CRPPA: variants seen among roughly 807,000 people sequenced by gnomAD.
CRPPA encodes the protein CDP-L-ribitol pyrophosphorylase A.
Under a neutral mutation model 52.0 loss-of-function variants are expected in CRPPA, and 43 were observed. That is an observed-to-expected ratio of 0.83 (90% CI 0.65 to 1.07). The LOEUF is 1.07. Ranked by LOEUF, CRPPA falls within the 50% of genes least tolerant of loss-of-function variation. The pLI is 0.00. For synonymous variants in CRPPA, 250 were observed against 203.5 expected, an observed-to-expected ratio of 1.23 and a Z score of -1.94; for missense variants, 629 against 551.7, an observed-to-expected ratio of 1.14 and a Z score of -1.40.
chr7:16,244,868 A>T (rs1334680035), intron 8 of CRPPA, among the ~76,000 whole-genome samples: 1 of 152,194 alleles, frequency 6.6e-6, no homozygotes, highest in African/African-American at 2.4e-5. Flanking sequence ...AAATGCACTG[A>T]ATATCTGTGG....
chr7:16,396,622 A>G (rs986010631), intron 2 of CRPPA, among the ~76,000 whole-genome samples: 2 of 152,244 alleles, frequency 1.3e-5, no homozygotes, highest in African/African-American at 4.8e-5. Flanking sequence ...ATACTTACAC[A>G]TGCATATATG....
chr7:16,249,193 G>T (rs1013097892), intron 8 of CRPPA, among the ~76,000 whole-genome samples: 1 of 152,134 alleles, frequency 6.6e-6, no homozygotes, highest in Non-Finnish European at 1.5e-5. Context: ...ACCTCTCTGG[G>T]CAGGGCATCT....
chr7:16,419,920 A>G (rs142812865), intron 1 of CRPPA, among the ~76,000 whole-genome samples: 2 of 152,336 alleles, frequency 1.3e-5, no homozygotes, highest in African/African-American at 4.8e-5. Flanking sequence ...ATAAAACTCC[A>G]ATCTCCCGCA....
At chr7:16,158,826 G>C (rs1783241276) in intron 9 of CRPPA, among the ~76,000 whole-genome samples, 1 of 152,136 alleles carries the variant, frequency 6.6e-6, no homozygotes, top group South Asian at 2.1e-4. Context: ...ATGGCTGCTG[G>C]CTGGGGATTG....
intron 9 of CRPPA, among the ~76,000 whole-genome samples, chr7:16,101,026 T>G (rs1386602036): frequency 6.6e-6 from 1 of 152,116 alleles, no homozygotes; most frequent in Admixed American, 6.6e-5. Context: ...TGGATAAGCT[T>G]TTTGATGTGC....
chr7:16,417,699 G>A (rs1336468714), intron 1 of CRPPA, among the ~76,000 whole-genome samples: 5 of 152,176 alleles, frequency 3.3e-5, no homozygotes, highest in Admixed American at 6.5e-5. Flanking sequence ...CATGGGTGAT[G>A]GGATCAATCA....
rs755461577 is a variant in CRPPA at position 16,089,445 on chromosome 7, G to A, written c.*2250C>T. On this transcript the variant is annotated 3_prime_UTR_variant, in exon 10 of 10. Transcript: ENST00000407010. ...CATACATATATGTGTATATATGTAC[G>A]TGCATACATATATGTGTATATATGT... 8 of 335,402 alleles carry A rather than the reference G, an allele frequency of 2.4e-5. No homozygotes were observed. Among genetic ancestry groups the A allele is most frequent in the African/African-American group, 8.7e-5 (4 of 46,196 alleles). 20.8% of individuals were successfully genotyped at this position (335,402 alleles called of 1,614,324 possible). A position where few individuals can be genotyped will look rare whatever the true frequency, so the allele number is the denominator to read the frequency against.
chr7:16,117,995 T>C (rs1278902383), intron 9 of CRPPA, among the ~76,000 whole-genome samples: 3 of 152,236 alleles, frequency 2.0e-5, no homozygotes, highest in African/African-American at 7.2e-5. Context: ...GAAGCTTCTG[T>C]GTTCTAATGT....
rs73298636 is a variant in CRPPA at position 16,308,822 on chromosome 7, G to A, written c.685-195C>T. ...GGAATAGGAATACTGCAACCATCAC[G>A]TGAAGCAAAACAAATAGTGAATAGG... On this transcript the variant is annotated intron_variant, in intron 3 of 9. Coordinates refer to ENST00000407010, the MANE Select transcript of CRPPA (RefSeq NM_001101426.4). Among the ~76,000 whole-genome samples, 430 of 152,298 alleles carry A rather than the reference G, an allele frequency of 2.8e-3. 2 individuals carry two copies. The highest frequency in any genetic ancestry group is 0.01 in the African/African-American group (417 of 41,578).
intron 2 of CRPPA, among the ~76,000 whole-genome samples, chr7:16,382,361 A>G (rs1358144187): frequency 2.0e-5 from 3 of 152,258 alleles, no homozygotes; most frequent in Non-Finnish European, 2.9e-5. Flanking sequence ...TGAGAGATCC[A>G]CTGTTAGTCT....
chr7:16,192,717 T>G, intron 9 of CRPPA, among the ~76,000 whole-genome samples: 1 of 152,160 alleles, frequency 6.6e-6, no homozygotes, highest in East Asian at 1.9e-4. Flanking sequence ...TATTTGTATT[T>G]CTGATCATCT....
chr7:16,261,432 A>G (rs918462868), intron 6 of CRPPA, among the ~76,000 whole-genome samples: 3 of 152,014 alleles, frequency 2.0e-5, no homozygotes, highest in Non-Finnish European at 4.4e-5. Context: ...TTTAAATCTA[A>G]AACGTTTATT....
chr7:16,184,228 AC>A (rs1372821996), intron 9 of CRPPA, among the ~76,000 whole-genome samples: 1 of 152,138 alleles, frequency 6.6e-6, no homozygotes, highest in Non-Finnish European at 1.5e-5. Flanking sequence ...GGCATGAGCC[AC>A]CACGCCCGGC....
chr7:16,218,014 G>A (rs1358441006), intron 8 of CRPPA, among the ~76,000 whole-genome samples: 2 of 151,104 alleles, frequency 1.3e-5, no homozygotes, highest in African/African-American at 4.9e-5. Context: ...ATGAAATGAA[G>A]GAAAAAATGT....
At chr7:16,384,719 G>T (rs912484483) in intron 2 of CRPPA, among the ~76,000 whole-genome samples, 1 of 151,814 alleles carries the variant, frequency 6.6e-6, no homozygotes. Flanking sequence ...GAAAGTAAAA[G>T]ACATCACTAA....
chr7:16,239,682 T>A (rs1171935402), intron 8 of CRPPA, among the ~76,000 whole-genome samples: 1 of 151,312 alleles, frequency 6.6e-6, no homozygotes, highest in African/African-American at 2.4e-5. Flanking sequence ...GTGAAATGCC[T>A]AACAAAGTCT....
intron 9 of CRPPA, among the ~76,000 whole-genome samples, chr7:16,193,741 CAAATCAA>C (rs1781665337): frequency 6.6e-6 from 1 of 152,006 alleles, no homozygotes; most frequent in Non-Finnish European, 1.5e-5. Context: ...AAAGTCTTTA[CAAATCAA>C]AGAGACAGCA....
intron 2 of CRPPA, among the ~76,000 whole-genome samples, chr7:16,404,808 T>C (rs1266371268): frequency 6.6e-6 from 1 of 152,154 alleles, no homozygotes; most frequent in Non-Finnish European, 1.5e-5. Context: ...ACAATTGAGC[T>C]GTCTGGAGAA....
chr7:16,249,948 T>C (rs1783397745), intron 8 of CRPPA, among the ~76,000 whole-genome samples: 2 of 152,106 alleles, frequency 1.3e-5, no homozygotes, highest in South Asian at 2.1e-4. Context: ...TAAGGGAGCA[T>C]GTTCTAACCC....
Sources: allele counts gnomAD v4.1 joint callset (sites outside exome capture counted in the v4.1 genomes callset), GRCh38; gene constraint gnomAD v4.1.1; transcripts MANE v1.5; gene names NCBI Gene and HGNC (gene_info 2026-07-23, HGNC 2026-07-21).